VRK1: variants seen among roughly 807,000 people sequenced by gnomAD.
VRK1 encodes the protein VRK serine/threonine kinase 1, also known as serine/threonine-protein kinase VRK1.
In VRK1, 33 loss-of-function variants were observed where a neutral mutation model predicts 57.1. The observed-to-expected ratio is 0.58, with a 90% CI of 0.44 to 0.77. VRK1 has a LOEUF of 0.77. Ranked by LOEUF, VRK1 falls within the 30% of genes least tolerant of loss-of-function variation. The pLI is 0.00. For synonymous variants in VRK1, 137 were observed against 147.8 expected (o/e 0.93, Z 0.53); for missense variants, 413 against 477.3 (o/e 0.87, Z 1.25).
chr14:96,827,357 A>T (rs1362663821), intron 1 of VRK1, among the ~76,000 whole-genome samples: 1 of 152,116 alleles, frequency 6.6e-6, no homozygotes, highest in African/African-American at 2.4e-5. Context: ...TTAGCAGAGA[A>T]AGTGCTTCTC....
At chr14:96,819,505 G>A (rs1239042851) in intron 1 of VRK1, among the ~76,000 whole-genome samples, 3 of 152,192 alleles carry the variant, frequency 2.0e-5, no homozygotes, top group African/African-American at 7.2e-5. Context: ...CTGTTCCAAA[G>A]TTCCACTGAT....
intron 11 of VRK1, among the ~76,000 whole-genome samples, chr14:96,865,008 T>C (rs1595684027): frequency 6.6e-6 from 1 of 151,946 alleles, no homozygotes; most frequent in Non-Finnish European, 1.5e-5. Context: ...GTTGCACATA[T>C]CATCTTCCAG....
intron 2 of VRK1, among the ~76,000 whole-genome samples, chr14:96,836,738 G>A (rs866106854): frequency 6.6e-6 from 1 of 152,084 alleles, no homozygotes; most frequent in Middle Eastern, 3.4e-3. Flanking sequence ...TTGTTGGCCA[G>A]GCTGGTCTCG....
chr14:96,865,502 C>T (rs554364778), intron 11 of VRK1, among the ~76,000 whole-genome samples: 3 of 152,254 alleles, frequency 2.0e-5, no homozygotes, highest in Admixed American at 1.3e-4. Flanking sequence ...TGCTATTCTT[C>T]GCTCTTTGAA....
At chr14:96,831,097 G>A (rs775903537) in intron 1 of VRK1, among the ~76,000 whole-genome samples, 17 of 152,148 alleles carry the variant, frequency 1.1e-4, no homozygotes, top group African/African-American at 3.4e-4. Flanking sequence ...ACAGTGTCTT[G>A]TGTGCTTCTA....
intron 1 of VRK1, among the ~76,000 whole-genome samples, chr14:96,833,080 C>T (rs2180897): frequency 0.32 from 48,001 of 151,988 alleles, 8,398 homozygotes; most frequent in South Asian, 0.43. Context: ...TCTATCATAT[C>T]GGTATTGACC....
rs527335444 is a variant in VRK1 at position 96,799,078 on chromosome 14, G to A, written c.-6+1631G>A. The stretch of plus-strand genomic sequence containing the variant: ...ACAAATACCAGTTTTATAGTGCAAT[G>A]TCTTCTTGTTATGTTCAGTGCTGCA... On this transcript the variant is annotated intron_variant, in intron 1 of 12. Coordinates refer to ENST00000216639, the MANE Select transcript of VRK1 (RefSeq NM_003384.3). 2.0e-5 allele frequency among the ~76,000 whole-genome samples: 3 copies of A among 152,288 alleles called. No individual in the cohort carries two copies. The South Asian group carries it at 6.2e-4, about 32-fold the overall frequency.
At chr14:96,872,522 A>G (rs1379762188) in intron 11 of VRK1, among the ~76,000 whole-genome samples, 1 of 152,240 alleles carries the variant, frequency 6.6e-6, no homozygotes, top group East Asian at 1.9e-4. Context: ...AACTCTGGAA[A>G]AAAATACATT....
intron 5 of VRK1, among the ~76,000 whole-genome samples, chr14:96,850,440 C>G (rs1382627548): frequency 6.6e-6 from 1 of 152,174 alleles, no homozygotes; most frequent in Non-Finnish European, 1.5e-5. Flanking sequence ...AAATAGCTTT[C>G]ATTTTACTAC....
chr14:96,847,450 T>G, intron 5 of VRK1, 106 bp downstream of exon 5: 1 of 862,470 alleles, frequency 1.2e-6, no homozygotes, highest in Non-Finnish European at 1.9e-6. Context: ...TTACTAGGCC[T>G]CCCTCTGGAG....
intron 11 of VRK1, among the ~76,000 whole-genome samples, chr14:96,867,694 T>C (rs1888640595): frequency 1.3e-5 from 2 of 152,314 alleles, no homozygotes; most frequent in South Asian, 4.1e-4. Context: ...TAGCTTCTTT[T>C]CTCCATGTCT....
chr14:96,860,860 A>T (rs1463437701), intron 11 of VRK1, 125 bp downstream of exon 11: 2 of 913,612 alleles, frequency 2.2e-6, no homozygotes, highest in Admixed American at 2.6e-5. Flanking sequence ...TAAGGCAAAC[A>T]TTTTTTGTAA....
chr14:96,816,224 A>G (rs1886388064), intron 1 of VRK1, among the ~76,000 whole-genome samples: 1 of 152,174 alleles, frequency 6.6e-6, no homozygotes, highest in African/African-American at 2.4e-5. Flanking sequence ...CCTACTAAAC[A>G]TAAGCGGTCT....
At chr14:96,859,114 T>A (rs765539696) in intron 10 of VRK1, 1 of 152,218 alleles carries the variant, frequency 6.6e-6, no homozygotes, top group Non-Finnish European at 1.5e-5. Flanking sequence ...TCATCTTTCA[T>A]TGTATTTGTT....
rs112094212 is a variant in VRK1, at chr14:96,835,743, A to G, written c.161-2019A>G. ...ATATCCTAGTTCCTTTTCTAGTCCT[A>G]TTGCTTTACCTGGGTGACTTCTCAG... On this transcript the variant is annotated intron_variant, in intron 2 of 12. Coordinates refer to ENST00000216639, the MANE Select transcript of VRK1 (RefSeq NM_003384.3). 6.3e-3 allele frequency among the ~76,000 whole-genome samples: 959 copies of G among 152,186 alleles called. 13 individuals are homozygous for G. Among genetic ancestry groups the G allele is most frequent in the African/African-American group, 0.022 (900 of 41,506 alleles).
chr14:96,811,531 G>A (rs1886204954), intron 1 of VRK1, among the ~76,000 whole-genome samples: 1 of 152,122 alleles, frequency 6.6e-6, no homozygotes, highest in Non-Finnish European at 1.5e-5. Context: ...TTGGAAAGTG[G>A]CATACGTTCC....
At chr14:96,816,057 A>C (rs1436016955) in intron 1 of VRK1, among the ~76,000 whole-genome samples, 1 of 152,098 alleles carries the variant, frequency 6.6e-6, no homozygotes, top group Non-Finnish European at 1.5e-5. Flanking sequence ...GGAACCTGGA[A>C]CATTTTGTAC....
chr14:96,829,698 T>G (rs1170962979), intron 1 of VRK1, among the ~76,000 whole-genome samples: 1 of 152,204 alleles, frequency 6.6e-6, no homozygotes, highest in Non-Finnish European at 1.5e-5. Flanking sequence ...TATCACAATA[T>G]GATTTCTGGA....
chr14:96,822,631 A>G (rs1184385095), intron 1 of VRK1, among the ~76,000 whole-genome samples: 1 of 152,250 alleles, frequency 6.6e-6, no homozygotes, highest in East Asian at 1.9e-4. Flanking sequence ...AGAATGGACT[A>G]ACACATTAGC....
Sources: allele counts gnomAD v4.1 joint callset (sites outside exome capture counted in the v4.1 genomes callset), GRCh38; gene constraint gnomAD v4.1.1; transcripts MANE v1.5; gene names NCBI Gene and HGNC (gene_info 2026-07-23, HGNC 2026-07-21).